PDE9A: variants seen among roughly 807,000 people sequenced by gnomAD.
PDE9A encodes the protein high affinity cGMP-specific 3',5'-cyclic phosphodiesterase 9A.
PDE9A carries 60 observed loss-of-function variants against 87.4 expected under a neutral mutation model. That is an observed-to-expected ratio of 0.69 (90% confidence interval 0.56 to 0.85). The LOEUF is 0.85. Among genes scored for constraint, PDE9A ranks in the 40% least tolerant of loss-of-function variants. The pLI, the probability that PDE9A is intolerant of heterozygous loss-of-function variation, is 0.00. For missense variants in PDE9A, 665 were observed against 779.0 expected (o/e 0.85, Z 1.74); for synonymous variants, 272 against 279.4 (o/e 0.97, Z 0.27).
At chr21:42,693,299 C>CTTT (rs10714757) in intron 3 of PDE9A, among the ~76,000 whole-genome samples, 2 of 133,346 alleles carry the variant, frequency 1.5e-5, no homozygotes, top group Non-Finnish European at 1.6e-5. Flanking sequence ...ACCCAGGAAT[C>CTTT]TTTTTTTTTT....
Position 42,686,227 on chromosome 21 carries a change from C to G in PDE9A, c.105C>G (p.Ile35Met), listed in dbSNP as rs761947102. The stretch of plus-strand genomic sequence containing the variant: ...GCAAGTACTGCAACTCCAGCGACAT[C>G]ATGGACCTGTTCTGCATCGCCACCG... ...IFSKYCNSSD[I>M]MDLFCIATGL... The change falls in exon 2 of 20, where the codon ATC becomes ATG. Residue 35 changes from isoleucine (I) to methionine (M), a missense_variant. By Grantham distance (10) the Ile-to-Met change is conservative (BLOSUM62 1). Coordinates refer to ENST00000291539, the MANE Select transcript of PDE9A (RefSeq NM_002606.3). The G allele has an allele frequency of 2.2e-5, 36 of 1,613,824 alleles. No homozygotes were observed. Among genetic ancestry groups the G allele is most frequent in the Non-Finnish European group, 3.0e-5 (35 of 1,179,836 alleles).
At position 42,759,804 on chromosome 21, in the gene PDE9A, T is replaced by G. The variant is rs1399389269; in HGVS notation, c.898-524T>G. Among the ~76,000 whole-genome samples the G allele has an allele frequency of 1.4e-5, 2 of 145,502 alleles. No individual in the cohort carries two copies. The highest frequency in any genetic ancestry group is 3.0e-5 in the Non-Finnish European group (2 of 66,158). On this transcript the variant is annotated intron_variant, in intron 11 of 19. Transcript: ENST00000291539. The surrounding 1 kb of genome is among the most constrained non-coding windows in gnomAD (Gnocchi z 7.2). ...GGATGTGGGGGTGTGTGAGGGTGGATGTGTGCATGTGTGTGTGTGGATGTG... is the reference window on the plus strand; with the variant it reads ...GGATGTGGGGGTGTGTGAGGGTGGAGGTGTGCATGTGTGTGTGTGGATGTG...
At position 42,660,669 on chromosome 21, in the gene PDE9A, A is replaced by G. The variant is rs1406877671; in HGVS notation, c.69+6786A>G. On this transcript the variant is annotated intron_variant, in intron 1 of 19. Transcript: ENST00000291539. This position sits in a 1 kb window ranked among gnomAD's most constrained non-coding sequence, Gnocchi z 4.7. ...TAAAATGGTTAAAAATAGAAAGTGC[A>G]CAAGCAAGGGTCCATCTGCAGGAGT... Among the ~76,000 whole-genome samples the G allele has an allele frequency of 6.6e-6, 1 of 151,840 alleles. No homozygotes were observed. The highest frequency in any genetic ancestry group is 2.4e-5 in the African/African-American group (1 of 41,298).
chr21:42,709,119 G>A lies in PDE9A; in HGVS notation c.262+10108G>A, dbSNP rs369796864. On this transcript the variant is annotated intron_variant, in intron 4 of 19. Transcript: ENST00000291539. ...CATATACACCATGGAATACTATGCA[G>A]CCATAAAAAGGAACAAGATCATGTC... is the stretch of plus-strand genomic sequence containing the variant. 1.2e-4 allele frequency among the ~76,000 whole-genome samples: 19 copies of A among 152,292 alleles called. No homozygotes were observed. The South Asian group carries it at 1.9e-3, about 15-fold the overall frequency.
rs1049858660 is a variant in PDE9A, at chr21:42,695,551, G to T, written c.219-3417G>T. Among the ~76,000 whole-genome samples, 1 of 152,202 alleles carries T rather than the reference G, an allele frequency of 6.6e-6. No homozygotes were observed. Among genetic ancestry groups the T allele is most frequent in the South Asian group, 2.1e-4 (1 of 4,830 alleles). On this transcript the variant is annotated intron_variant, in intron 3 of 19. Coordinates refer to ENST00000291539, the MANE Select transcript of PDE9A (RefSeq NM_002606.3). The surrounding 1 kb of genome is among the most constrained non-coding windows in gnomAD (Gnocchi z 4.3). The stretch of plus-strand genomic sequence containing the variant: ...CATTGCTCCTTTTGTTCCCGGTTTC[G>T]GCCAAGTTGTGCCGCAGGTGACTCT...
Position 42,724,481 on chromosome 21 carries a change from A to T in PDE9A, c.263-7289A>T. The T allele has an allele frequency of 7.2e-6, 3 of 414,152 alleles. 1 individual carries two copies. Among genetic ancestry groups the T allele is most frequent in the Non-Finnish European group, 9.7e-6 (3 of 307,854 alleles). 25.7% of individuals were successfully genotyped at this position (414,152 alleles called of 1,614,324 possible). ...CAGGAGAGGAGGCACCCACTTCCTG[A>T]TCAGGGCTCTGTTTGTGGATGCGTG... On this transcript the variant is annotated intron_variant, in intron 4 of 19. Transcript: ENST00000291539.
Position 42,760,557 on chromosome 21 carries a change from C to T in PDE9A, c.1002+125C>T. The T allele has an allele frequency of 3.0e-6, 2 of 663,068 alleles. No homozygotes were observed. The highest frequency in any genetic ancestry group is 2.5e-5 in the Admixed American group (1 of 40,716). The allele number at this position is 663,068 out of a possible 1,614,324, so 41.1% of individuals were successfully genotyped here. A position where few individuals can be genotyped will look rare whatever the true frequency, so the allele number is the denominator to read the frequency against. ...GGCGTGGGGTCCCCAGCCGCTCCGC[C>T]CCTCCTAGGGACGCACCCCTGCCCA... On this transcript the variant is annotated intron_variant, in intron 12 of 19. Transcript: ENST00000291539. The surrounding 1 kb of genome is among the most constrained non-coding windows in gnomAD (Gnocchi z 5.2).
intron 16 of PDE9A, 127 bp from the exon 17 acceptor site, chr21:42,768,900 A>T: frequency 6.7e-7 from 1 of 1,492,920 alleles, no homozygotes; most frequent in South Asian, 1.4e-5. Context: ...GTTCTTACTG[A>T]GACACATTTG....
intron 15 of PDE9A, 24 bp from the exon 16 acceptor site, chr21:42,768,163 TC>T (rs2056587621): frequency 7.0e-7 from 1 of 1,436,156 alleles, no homozygotes; most frequent in East Asian, 2.3e-5. Context: ...TCCTGTTACC[TC>T]AATTCCAAAA....
chr21:42,708,946 G>A (rs1275625676), intron 4 of PDE9A, among the ~76,000 whole-genome samples: 6 of 152,086 alleles, frequency 3.9e-5, no homozygotes, highest in Admixed American at 1.3e-4. Flanking sequence ...CAGCAATGAC[G>A]TTTATATATA....
intron 1 of PDE9A, among the ~76,000 whole-genome samples, chr21:42,670,174 C>G (rs1257694542): frequency 2.7e-5 from 4 of 145,730 alleles, no homozygotes; most frequent in Admixed American, 2.0e-4. Flanking sequence ...CATTCACACG[C>G]ACACATACAC....
intron 1 of PDE9A, among the ~76,000 whole-genome samples, chr21:42,655,069 CT>C (rs1381346253): frequency 1.3e-5 from 2 of 152,158 alleles, no homozygotes; most frequent in African/African-American, 4.8e-5. Flanking sequence ...AGGAGTGGCC[CT>C]CCCTTGAATA....
intron 4 of PDE9A, among the ~76,000 whole-genome samples, chr21:42,701,666 A>C (rs1197886680): frequency 6.6e-6 from 1 of 151,806 alleles, no homozygotes; most frequent in African/African-American, 2.4e-5. Flanking sequence ...CAAACTCCTA[A>C]ACTCAAGTAA....
chr21:42,653,882 A>G lies in PDE9A; in HGVS notation c.68A>G (p.Lys23Arg). Residue 23 changes from lysine to arginine, a missense_variant and splice_region_variant, in exon 1 of 20, where the codon AAG becomes AGG. Physicochemically the swap from Lys to Arg is conservative, Grantham distance 26. Transcript: ENST00000291539. The part of the protein sequence containing the change: ...IYLDIDGRIQ[K>R]VIFSKYCNSS... ...CTGGACATCGATGGACGCATTCAGA[A>G]GGTAGCCCCTCCCCCACCCAGACAC... is the stretch of plus-strand genomic sequence containing the variant. The G allele has an allele frequency of 6.5e-7, 1 of 1,543,202 alleles. No homozygotes were observed. The highest frequency in any genetic ancestry group is 8.8e-7 in the Non-Finnish European group (1 of 1,139,952).
chr21:42,756,399 C>T lies in PDE9A; in HGVS notation c.810+2335C>T, dbSNP rs576690174. Among the ~76,000 whole-genome samples, 14 of 152,310 alleles carry T rather than the reference C, an allele frequency of 9.2e-5. No homozygotes were observed. In the South Asian group the frequency reaches 1.5e-3, roughly 16 times the overall value. ...CATGAGGCACCTGGCACTCAGAGAACGTCAGGGCGCCTAAAAGTGATCACC... is the reference window on the plus strand; with the variant it reads ...CATGAGGCACCTGGCACTCAGAGAATGTCAGGGCGCCTAAAAGTGATCACC... On this transcript the variant is annotated intron_variant, in intron 10 of 19. Coordinates refer to ENST00000291539, the MANE Select transcript of PDE9A (RefSeq NM_002606.3).
At chr21:42,668,382 G>T (rs1165874012) in intron 1 of PDE9A, among the ~76,000 whole-genome samples, 2 of 152,196 alleles carry the variant, frequency 1.3e-5, no homozygotes, top group African/African-American at 4.8e-5. Context: ...ACAAGACAAG[G>T]GTGAGGCCCC....
At chr21:42,715,598 CAG>C (rs1423603751) in intron 4 of PDE9A, among the ~76,000 whole-genome samples, 3 of 151,542 alleles carry the variant, frequency 2.0e-5, no homozygotes, top group Admixed American at 2.0e-4. Context: ...GCCTGGGCGA[CAG>C]AGAGAGACTC....
rs1246828424 is a variant in PDE9A at position 42,726,620 on chromosome 21, A to ATTTTTTTTTTT, written c.263-5149_263-5148insTTTTTTTTTTT. 2.6e-3 allele frequency among the ~76,000 whole-genome samples: 64 copies of ATTTTTTTTTTT among 24,222 alleles called. 2 individuals carry two copies. Among genetic ancestry groups the ATTTTTTTTTTT allele is most frequent in the Middle Eastern group, 0.023 (1 of 44 alleles). 15.9% of individuals were successfully genotyped at this position (24,222 alleles called of 152,430 possible). On this transcript the variant is annotated intron_variant, in intron 4 of 19. Coordinates refer to ENST00000291539, the MANE Select transcript of PDE9A (RefSeq NM_002606.3). ...TATATATATATATATATATATATATATATATTTTTTTTTTTTTTTTTGTAG... is the reference window on the plus strand; with the variant it reads ...TATATATATATATATATATATATATATTTTTTTTTTTTATATTTTTTTTTTTTTTTTTGTAG...
At chr21:42,687,795 C>G in intron 2 of PDE9A, 122 bp from the exon 3 acceptor site, 2 of 772,298 alleles carry the variant, frequency 2.6e-6, no homozygotes, top group South Asian at 1.5e-5. Context: ...CCCACCACAC[C>G]TTGGTCAGGC....
Sources: allele counts gnomAD v4.1 joint callset (sites outside exome capture counted in the v4.1 genomes callset), GRCh38; gene constraint gnomAD v4.1.1; non-coding constraint Gnocchi (gnomAD v3.1); transcripts MANE v1.5; gene names NCBI Gene and HGNC (gene_info 2026-07-23, HGNC 2026-07-21).